The following GPA33 variants were observed in gnomAD, a reference collection of about 807,000 sequenced individuals.
GPA33 encodes glycoprotein A33.
Under a neutral mutation model 35.6 loss-of-function variants are expected in GPA33, and 27 were observed. The observed-to-expected ratio is 0.76, with a 90% confidence interval of 0.56 to 1.04. The LOEUF (loss-of-function observed/expected upper bound fraction) is 1.04, where lower values mean the gene tolerates loss of function less well. GPA33 is among the 50% of genes least tolerant of loss of function. The pLI is 0.00. For synonymous variants in GPA33, 176 were observed against 164.0 expected (o/e 1.07, Z -0.56); for missense variants, 428 against 411.9 (o/e 1.04, Z -0.34).
intron 4 of GPA33, among the ~76,000 whole-genome samples, chr1:167,056,818 A>AGGG (rs1558002184): frequency 0.039 from 114 of 2,910 alleles, no homozygotes; most frequent in East Asian, 0.046. Flanking sequence ...TGTATGTGGC[A>AGGG]GCGTTTGTAG....
intron 4 of GPA33, among the ~76,000 whole-genome samples, chr1:167,062,992 C>T (rs1201633793): frequency 6.6e-6 from 1 of 152,198 alleles, no homozygotes; most frequent in African/African-American, 2.4e-5. Context: ...GCACAGAGTG[C>T]TTATCAGGGC....
At chr1:167,057,334 A>G (rs1331931924) in intron 4 of GPA33, among the ~76,000 whole-genome samples, 1 of 152,060 alleles carries the variant, frequency 6.6e-6, no homozygotes, top group South Asian at 2.1e-4. Flanking sequence ...GCCATCCAAG[A>G]TGCTTTGTTA....
chr1:167,068,172 G>T (rs1019670823), intron 3 of GPA33, among the ~76,000 whole-genome samples: 4 of 152,008 alleles, frequency 2.6e-5, no homozygotes, highest in African/African-American at 9.7e-5. Flanking sequence ...AGGGAAAAAA[G>T]ATCTTTGTTT....
At chr1:167,055,950 ACTGAG>A in intron 4 of GPA33, 101 bp from the exon 5 acceptor site, 1 of 1,232,828 alleles carries the variant, frequency 8.1e-7, no homozygotes, top group East Asian at 2.4e-5. Context: ...AACCTCTGCC[ACTGAG>A]CTTCTTCAGG....
At chr1:167,078,941 A>G (rs2102198016) in intron 1 of GPA33, among the ~76,000 whole-genome samples, 1 of 152,122 alleles carries the variant, frequency 6.6e-6, no homozygotes, top group Non-Finnish European at 1.5e-5. Flanking sequence ...TATTACATAT[A>G]TTTTTCATAT....
intron 3 of GPA33, among the ~76,000 whole-genome samples, chr1:167,066,729 A>G (rs190715985): frequency 6.6e-6 from 1 of 152,208 alleles, no homozygotes; most frequent in Non-Finnish European, 1.5e-5. Flanking sequence ...GAGCAGTGAT[A>G]GGGAGGGAGG....
chr1:167,068,884 C>G lies in GPA33; in HGVS notation c.415+38G>C, dbSNP rs72689399. On this transcript the variant is annotated intron_variant, in intron 3 of 6. Transcript: ENST00000367868. ...CTCCCTGTGCTGCCACCTGCCCACC[C>G]TCTTCCTACAACTCCTGAAAGACAT... 2.0e-6 allele frequency: 3 copies of G among 1,534,454 alleles called. No individual in the cohort carries two copies. In the South Asian group the frequency reaches 3.4e-5, roughly 17 times the overall value.
rs770028927 is a variant in GPA33, at chr1:167,090,233, G to T, written c.43+12C>A. 2 of 1,605,560 alleles carry T rather than the reference G, an allele frequency of 1.2e-6. No individual in the cohort carries two copies. The highest frequency in any genetic ancestry group is 2.2e-5 in the South Asian group (2 of 90,936). ...CACCCCTGGGCACTGGAGAGAAAAGGGGCCTACTCACCTGCACAGAGTGTC... is the reference window on the plus strand; with the variant it reads ...CACCCCTGGGCACTGGAGAGAAAAGTGGCCTACTCACCTGCACAGAGTGTC... On this transcript the variant is annotated intron_variant, in intron 1 of 6. Coordinates refer to ENST00000367868, the MANE Select transcript of GPA33 (RefSeq NM_005814.3).
rs1325751787 is a variant in GPA33, at chr1:167,082,197, A to G, written c.43+8048T>C. On this transcript the variant is annotated intron_variant, in intron 1 of 6. Transcript: ENST00000367868. ...AATCACAGACAGAGAGAGAGAGAGA[A>G]TATTTCTAGAAGAAAATACACCAAA... 6.6e-6 allele frequency: 3 copies of G among 453,560 alleles called. No homozygotes were observed. In the East Asian group the frequency reaches 2.1e-4, roughly 32 times the overall value. 28.1% of individuals were successfully genotyped at this position (453,560 alleles called of 1,614,324 possible).
chr1:167,058,655 C>T lies in GPA33; in HGVS notation c.572-2806G>A, dbSNP rs570233509. The stretch of plus-strand genomic sequence containing the variant: ...GATGCTCATTCTTCATAAAATGTGT[C>T]CCCTTCTATCCTAGAATTCCACGCC... On this transcript the variant is annotated intron_variant, in intron 4 of 6. Transcript: ENST00000367868. The T allele has an allele frequency of 3.9e-5, 6 of 152,288 alleles. No homozygotes were observed. In the South Asian group the frequency reaches 1.0e-3, roughly 26 times the overall value. The allele number at this position is 152,288 out of a possible 1,614,324, so 9.4% of individuals were successfully genotyped here. A position where few individuals can be genotyped will look rare whatever the true frequency, so the allele number is the denominator to read the frequency against.
At chr1:167,066,498 C>T (rs1417364149) in intron 3 of GPA33, among the ~76,000 whole-genome samples, 1 of 152,168 alleles carries the variant, frequency 6.6e-6, no homozygotes, top group Non-Finnish European at 1.5e-5. Context: ...TCTGGCCTCA[C>T]CCAGGAACCC....
Position 167,082,236 on chromosome 1 carries a change from AAC to A in GPA33, c.43+8007_43+8008del, listed in dbSNP as rs139952207. ...AAATACACCAAAATACAGTATTAAT[AAC>A]AGTTACCTGTGGATTCTGAGATCGT... On this transcript the variant is annotated intron_variant, in intron 1 of 6. Coordinates refer to ENST00000367868, the MANE Select transcript of GPA33 (RefSeq NM_005814.3). 4,091 of 456,204 alleles carry A rather than the reference AAC, an allele frequency of 9.0e-3. 125 individuals are homozygous for A. The highest frequency in any genetic ancestry group is 0.074 in the African/African-American group (3,700 of 50,170). 28.3% of individuals were successfully genotyped at this position (456,204 alleles called of 1,614,324 possible).
intron 4 of GPA33, among the ~76,000 whole-genome samples, chr1:167,063,165 C>A (rs908042957): frequency 6.6e-6 from 1 of 152,200 alleles, no homozygotes; most frequent in Non-Finnish European, 1.5e-5. Flanking sequence ...CGATGGCTCA[C>A]GCCTGTAATC....
At chr1:167,069,896 G>A (rs991445158) in intron 2 of GPA33, among the ~76,000 whole-genome samples, 1 of 152,218 alleles carries the variant, frequency 6.6e-6, no homozygotes, top group African/African-American at 2.4e-5. Flanking sequence ...TTATAACTGA[G>A]CATCTACTAG....
Position 167,055,079 on chromosome 1 carries a change from C to G in GPA33, c.724G>C (p.Ala242Pro), listed in dbSNP as rs138343655. 6.2e-6 allele frequency: 10 copies of G among 1,612,244 alleles called. No individual in the cohort carries two copies. The highest frequency in any genetic ancestry group is 7.6e-6 in the Non-Finnish European group (9 of 1,179,634). ...ATGAGGGCTGCAACCACGCCCACCG[C>G]GATGCCCACATACAGGGCCACGTTC... ...SMNVALYVGI[A>P]VGVVAALIII... is the part of the protein sequence containing the mutation. Residue 242 changes from alanine to proline, a missense_variant, in exon 6 of 7, where the codon GCG (alanine) becomes CCG (proline). Transcript: ENST00000367868.
intron 4 of GPA33, among the ~76,000 whole-genome samples, chr1:167,059,383 C>T (rs904366644): frequency 5.9e-5 from 9 of 152,194 alleles, no homozygotes; most frequent in African/African-American, 2.2e-4. Context: ...TCCCACCTTC[C>T]TCTGCTCCAG....
At chr1:167,059,065 G>A (rs1012551394) in intron 4 of GPA33, among the ~76,000 whole-genome samples, 2 of 152,164 alleles carry the variant, frequency 1.3e-5, no homozygotes, top group African/African-American at 4.8e-5. Context: ...GACTTTTTTA[G>A]TTGTCAGAGT....
At chr1:167,058,383 A>C (rs1419436469) in intron 4 of GPA33, 2 of 152,258 alleles carry the variant, frequency 1.3e-5, no homozygotes, top group East Asian at 3.9e-4. Context: ...CAGTCTCCCA[A>C]AGAAGACAGA....
chr1:167,081,093 C>T (rs922139083), intron 1 of GPA33, among the ~76,000 whole-genome samples: 21 of 152,042 alleles, frequency 1.4e-4, no homozygotes, highest in African/African-American at 4.8e-4. Context: ...CCTGAGGTCT[C>T]GATGATTGCT....
Sources: gnomAD v4.1 joint callset for allele counts (sites outside exome capture counted in the v4.1 genomes callset) on GRCh38, gnomAD v4.1.1 for gene constraint, MANE v1.5 for transcripts, NCBI Gene and HGNC (gene_info 2026-07-23, HGNC 2026-07-21) for gene names.